Variants in TTC8 observed in about 807,000 individuals in gnomAD.
TTC8 encodes the protein tetratricopeptide repeat domain 8.
TTC8 carries 47 observed loss-of-function variants against 72.5 expected under a neutral mutation model. The observed-to-expected ratio is 0.65, with a 90% CI of 0.51 to 0.83. TTC8 has a LOEUF of 0.83. Among genes scored for constraint, TTC8 ranks in the 40% least tolerant of loss-of-function variants. The probability of loss-of-function intolerance (pLI) is 0.00; values close to 1 mark genes in which losing one functional copy is unlikely to be tolerated. For missense variants in TTC8, 611 were observed against 623.2 expected (o/e 0.98, Z 0.21); for synonymous variants, 199 against 221.4 (o/e 0.90, Z 0.90).
At chr14:88,858,696 C>T (rs563382787) in intron 9 of TTC8, among the ~76,000 whole-genome samples, 2 of 150,828 alleles carry the variant, frequency 1.3e-5, no homozygotes, top group South Asian at 4.2e-4. Context: ...CAGGCTCAGG[C>T]GATCCTCTCC....
chr14:88,868,862 A>T (rs751606331), intron 10 of TTC8, among the ~76,000 whole-genome samples: 20 of 152,236 alleles, frequency 1.3e-4, no homozygotes, highest in African/African-American at 4.6e-4. Context: ...AATCTTGGAG[A>T]CAATAGTGGA....
intron 7 of TTC8, among the ~76,000 whole-genome samples, chr14:88,845,175 T>G (rs17124909): frequency 0.38 from 58,345 of 151,886 alleles, 11,355 homozygotes; most frequent in East Asian, 0.5. Context: ...CCTAGAAAAT[T>G]GGAGTTCCAC....
chr14:88,854,080 G>C (rs952681958), intron 8 of TTC8, among the ~76,000 whole-genome samples: 2 of 152,104 alleles, frequency 1.3e-5, no homozygotes, highest in Non-Finnish European at 2.9e-5. Context: ...AAACTCTAAA[G>C]TGTTTTTTCC....
At chr14:88,863,762 A>AT (rs1416501856) in intron 10 of TTC8, among the ~76,000 whole-genome samples, 1 of 152,096 alleles carries the variant, frequency 6.6e-6, no homozygotes, top group African/African-American at 2.4e-5. Flanking sequence ...GGAATCCTTA[A>AT]TTTTTTCTCT....
At chr14:88,856,367 T>C (rs1226173855) in intron 8 of TTC8, among the ~76,000 whole-genome samples, 1 of 152,212 alleles carries the variant, frequency 6.6e-6, no homozygotes, top group East Asian at 1.9e-4. Context: ...TAAATGAAAG[T>C]AGCACAATGG....
chr14:88,835,057 T>A (rs12433476), intron 2 of TTC8, among the ~76,000 whole-genome samples: 4,138 of 152,308 alleles, frequency 0.027, 137 homozygotes, highest in East Asian at 0.16. Flanking sequence ...GGAATGAGGC[T>A]ATATACAATA....
At chr14:88,867,320 G>T (rs1475357255) in intron 10 of TTC8, among the ~76,000 whole-genome samples, 1 of 152,144 alleles carries the variant, frequency 6.6e-6, no homozygotes, top group Admixed American at 6.6e-5. Context: ...TATGGTCTCT[G>T]TATTGATGGA....
chr14:88,839,588 T>G lies in TTC8; in HGVS notation c.265+16T>G. Reference sequence around the variant, plus strand: ...CAAGTTCCACGTAAGTATTGGGTTTTCAGTTAAGTTAATGAAATACCATTA... The same window carrying G: ...CAAGTTCCACGTAAGTATTGGGTTTGCAGTTAAGTTAATGAAATACCATTA... On this transcript the variant is annotated intron_variant, in intron 3 of 14. Coordinates refer to ENST00000380656, the MANE Select transcript of TTC8 (RefSeq NM_144596.4). 6.2e-7 allele frequency: 1 copy of G among 1,612,522 alleles called. No homozygotes were observed. Among genetic ancestry groups the G allele is most frequent in the Non-Finnish European group, 8.5e-7 (1 of 1,178,998 alleles).
chr14:88,857,553 G>A (rs187371804), intron 9 of TTC8, among the ~76,000 whole-genome samples: 1 of 152,122 alleles, frequency 6.6e-6, no homozygotes, highest in Non-Finnish European at 1.5e-5. Flanking sequence ...ACTCGCATAG[G>A]TAACAGGCCC....
chr14:88,862,540 CCA>C (rs1491546176), intron 10 of TTC8, among the ~76,000 whole-genome samples: 4 of 41,160 alleles, frequency 9.7e-5, no homozygotes, highest in Admixed American at 3.8e-4. Flanking sequence ...CTCTCTCTCT[CCA>C]TATATATATA....
chr14:88,840,565 T>C (rs1321257673), intron 3 of TTC8, among the ~76,000 whole-genome samples: 1 of 152,166 alleles, frequency 6.6e-6, no homozygotes. Flanking sequence ...AGCCTGTTAG[T>C]CTTGAGTTTA....
At chr14:88,846,290 G>A (rs1013999477) in intron 7 of TTC8, among the ~76,000 whole-genome samples, 3 of 151,984 alleles carry the variant, frequency 2.0e-5, no homozygotes, top group Admixed American at 6.6e-5. Flanking sequence ...TCATGCCACT[G>A]CACTCCAGTT....
At chr14:88,829,101 G>T (rs1197003318) in intron 1 of TTC8, among the ~76,000 whole-genome samples, 1 of 152,162 alleles carries the variant, frequency 6.6e-6, no homozygotes, top group Non-Finnish European at 1.5e-5. Flanking sequence ...TCTAGACACA[G>T]AATGGTGAGG....
intron 2 of TTC8, among the ~76,000 whole-genome samples, chr14:88,836,124 A>G (rs1055043963): frequency 2.0e-5 from 3 of 152,200 alleles, no homozygotes; most frequent in Admixed American, 6.5e-5. Context: ...CTTAAGAATC[A>G]TATTTTAGAA....
At chr14:88,853,110 C>T in intron 8 of TTC8, 54 bp downstream of exon 8, 1 of 1,304,920 alleles carries the variant, frequency 7.7e-7, no homozygotes, top group Non-Finnish European at 1.1e-6. Context: ...TTTAGGGTCT[C>T]AAATCTGATA....
intron 6 of TTC8, 95 bp downstream of exon 6, chr14:88,841,609 G>A (rs746716276): frequency 1.8e-5 from 19 of 1,057,320 alleles, no homozygotes; most frequent in Non-Finnish European, 2.8e-5. Context: ...TGAAGGAAAG[G>A]CCATGTCTTT....
chr14:88,864,771 C>T (rs1395404542), intron 10 of TTC8, among the ~76,000 whole-genome samples: 2 of 152,164 alleles, frequency 1.3e-5, no homozygotes, highest in Non-Finnish European at 1.5e-5. Flanking sequence ...AGCTAATTTC[C>T]GTTATGTAAA....
At chr14:88,864,272 A>G (rs2094900446) in intron 10 of TTC8, among the ~76,000 whole-genome samples, 1 of 152,226 alleles carries the variant, frequency 6.6e-6, no homozygotes, top group Non-Finnish European at 1.5e-5. Context: ...GAAGCCTTTG[A>G]TCAATCAATG....
intron 7 of TTC8, among the ~76,000 whole-genome samples, chr14:88,848,359 T>C (rs1207186439): frequency 2.6e-5 from 4 of 152,126 alleles, no homozygotes; most frequent in Non-Finnish European, 5.9e-5. Context: ...TTAGTTGTCA[T>C]ACATTATAGG....
Sources: allele counts gnomAD v4.1 joint callset (sites outside exome capture counted in the v4.1 genomes callset), GRCh38; gene constraint gnomAD v4.1.1; transcripts MANE v1.5; gene names NCBI Gene and HGNC (gene_info 2026-07-23, HGNC 2026-07-21).